The following KLRG1 variants were observed in gnomAD, a reference collection of about 807,000 sequenced individuals.
KLRG1 encodes killer cell lectin-like receptor subfamily G member 1.
Under a neutral mutation model 21.8 loss-of-function variants are expected in KLRG1, and 16 were observed. The observed-to-expected ratio is 0.73, with a 90% CI of 0.50 to 1.11. The LOEUF (loss-of-function observed/expected upper bound fraction) is 1.11, where lower values mean the gene tolerates loss of function less well. Ranked by LOEUF, KLRG1 falls within the 50% of genes most tolerant of loss-of-function variation. The probability of loss-of-function intolerance (pLI) is 0.00; values close to 1 mark genes in which losing one functional copy is unlikely to be tolerated. For synonymous variants in KLRG1, 69 were observed against 75.9 expected (o/e 0.91, Z 0.47); for missense variants, 173 against 218.3 (o/e 0.79, Z 1.31).
chr12:9,140,244 T>C, the KLRG1 span, among the ~76,000 whole-genome samples: 422 of 152,318 alleles, frequency 2.8e-3, 2 homozygotes, highest in African/African-American at 9.5e-3. Context: ...GGTAAGAACA[T>C]TAGTCCTAGG....
chr12:9,057,459 C>T, the KLRG1 span, among the ~76,000 whole-genome samples: 1 of 152,144 alleles, frequency 6.6e-6, no homozygotes, highest in Non-Finnish European at 1.5e-5. Context: ...GACTTCACCA[C>T]TGTGCAATGT....
At chr12:9,114,030 C>T in the KLRG1 span, among the ~76,000 whole-genome samples, 1 of 152,190 alleles carries the variant, frequency 6.6e-6, no homozygotes, top group Admixed American at 6.5e-5. Context: ...CTCGCTTCCA[C>T]TCCACAGATA....
chr12:9,067,502 T>C, the KLRG1 span: 1 of 409,574 alleles, frequency 2.4e-6, no homozygotes, highest in South Asian at 2.3e-5. Flanking sequence ...CAAACACACT[T>C]TACACTTTCC....
chr12:9,068,601 G>A, the KLRG1 span: 1 of 714,338 alleles, frequency 1.4e-6, no homozygotes, highest in Non-Finnish European at 2.4e-6. Context: ...GACAAAAAGA[G>A]GGGCATCAGA....
chr12:8,984,186 A>G (rs919206229), intron 1 of KLRG1, among the ~76,000 whole-genome samples: 1 of 151,680 alleles, frequency 6.6e-6, no homozygotes, highest in Non-Finnish European at 1.5e-5. Context: ...TCTATTTGCT[A>G]TTAATCTCAT....
At chr12:9,190,990 T>G in the KLRG1 span, among the ~76,000 whole-genome samples, 43,467 of 152,006 alleles carry the variant, frequency 0.29, 6,392 homozygotes, top group East Asian at 0.4. Context: ...TATTAAAATA[T>G]GTGGTTAAAA....
chr12:9,124,735 C>T, the KLRG1 span, among the ~76,000 whole-genome samples: 4 of 152,212 alleles, frequency 2.6e-5, no homozygotes, highest in South Asian at 8.3e-4. Context: ...TTCTCCTCTC[C>T]CAGAGCCTGC....
the KLRG1 span, chr12:9,052,806 A>G: frequency 5.0e-4 from 224 of 452,250 alleles, no homozygotes; most frequent in Non-Finnish European, 7.8e-4. Flanking sequence ...AATAGTATCT[A>G]CATCATAATG....
At chr12:9,150,663 G>A in the KLRG1 span, 1 of 1,607,502 alleles carries the variant, frequency 6.2e-7, no homozygotes, top group Non-Finnish European at 8.5e-7. Flanking sequence ...AGTAATCATA[G>A]ACTTTAACAA....
the KLRG1 span, among the ~76,000 whole-genome samples, chr12:9,070,037 A>G: frequency 3.9e-5 from 6 of 152,382 alleles, no homozygotes; most frequent in Middle Eastern, 3.4e-3. Flanking sequence ...TGAAGAAAAG[A>G]CAGCTAAGTA....
the KLRG1 span, among the ~76,000 whole-genome samples, chr12:9,176,560 A>C: frequency 1.3e-5 from 2 of 152,262 alleles, no homozygotes; most frequent in Non-Finnish European, 2.9e-5. Flanking sequence ...ATTATATTGG[A>C]TAGACCAATG....
At chr12:9,107,729 A>C in the KLRG1 span, 15 of 1,515,694 alleles carry the variant, frequency 9.9e-6, no homozygotes, top group Non-Finnish European at 1.4e-5. Flanking sequence ...CTTTAGCTAC[A>C]GTATATTCCC....
the KLRG1 span, chr12:9,058,724 C>T: frequency 3.3e-5 from 5 of 152,620 alleles, no homozygotes; most frequent in African/African-American, 4.8e-5. Context: ...CTGCTCTTCT[C>T]GTACCACGTG....
At chr12:9,153,308 A>G in the KLRG1 span, 1 of 1,613,992 alleles carries the variant, frequency 6.2e-7, no homozygotes, top group Non-Finnish European at 8.5e-7. Flanking sequence ...TGGCTGCTCC[A>G]TACCTGGACA....
chr12:8,998,102 G>A (rs1273781528), intron 3 of KLRG1, among the ~76,000 whole-genome samples: 2 of 152,276 alleles, frequency 1.3e-5, no homozygotes, highest in East Asian at 3.9e-4. Flanking sequence ...GCTGAGGTGG[G>A]TGGATCACTT....
chr12:9,190,595 G>A, the KLRG1 span, among the ~76,000 whole-genome samples: 1 of 152,024 alleles, frequency 6.6e-6, no homozygotes, highest in African/African-American at 2.4e-5. Flanking sequence ...TTATTGGGTA[G>A]TAGGCTTAGA....
chr12:9,000,713 A>G (rs748952983), intron 3 of KLRG1, among the ~76,000 whole-genome samples: 2 of 152,232 alleles, frequency 1.3e-5, no homozygotes, highest in Admixed American at 6.5e-5. Context: ...TTATGGCTGA[A>G]TAACATTCTA....
Position 9,010,245 on chromosome 12 carries a change from G to T in KLRG1, c.*708G>T. The T allele has an allele frequency of 2.0e-6, 1 of 499,828 alleles. No homozygotes were observed. The highest frequency in any genetic ancestry group is 3.6e-6 in the Non-Finnish European group (1 of 281,408). 31.0% of individuals were successfully genotyped at this position (499,828 alleles called of 1,614,324 possible). ...AATTGTGGGAAATGAGTGAGGGCAAGGTGGTACTTCCTCCTTCTGAGCTCT... is the reference window on the plus strand; with the variant it reads ...AATTGTGGGAAATGAGTGAGGGCAATGTGGTACTTCCTCCTTCTGAGCTCT... On this transcript the variant is annotated 3_prime_UTR_variant, in exon 5 of 5. Transcript: ENST00000356986.
At chr12:9,161,066 T>G in the KLRG1 span, 1 of 1,603,726 alleles carries the variant, frequency 6.2e-7, no homozygotes, top group Non-Finnish European at 8.5e-7. Context: ...GCAGATTCTT[T>G]GACCACATTT....
Sources: allele counts gnomAD v4.1 joint callset (sites outside exome capture counted in the v4.1 genomes callset), GRCh38; gene constraint gnomAD v4.1.1; transcripts MANE v1.5; gene names NCBI Gene and HGNC (gene_info 2026-07-23, HGNC 2026-07-21).